SLC24A3: variants seen among roughly 807,000 people sequenced by gnomAD.
The protein encoded by SLC24A3 is solute carrier family 24 member 3, also known as sodium/potassium/calcium exchanger 3.
In SLC24A3, 28 loss-of-function variants were observed where a neutral mutation model predicts 75.8. The ratio of observed to expected loss-of-function variants is 0.37; its 90% CI spans 0.27 to 0.51. SLC24A3 has a LOEUF of 0.51. Ranked by LOEUF, SLC24A3 falls within the 20% of genes least tolerant of loss-of-function variation. The pLI, the probability that SLC24A3 is intolerant of heterozygous loss-of-function variation, is 0.94. For missense variants in SLC24A3, 663 were observed against 847.8 expected, an observed-to-expected ratio of 0.78 and a Z score of 2.71; for synonymous variants, 372 against 334.1, an observed-to-expected ratio of 1.11 and a Z score of -1.24.
chr20:19,495,091 A>G (rs1328734766), intron 2 of SLC24A3, among the ~76,000 whole-genome samples: 4 of 152,084 alleles, frequency 2.6e-5, no homozygotes, highest in Admixed American at 2.0e-4. Context: ...TGGCCTTTGT[A>G]CCCTAGTGTC....
rs139060573 is a variant in SLC24A3, at chr20:19,367,681, G to A, written c.271+86594G>A. 1.6e-3 allele frequency among the ~76,000 whole-genome samples: 251 copies of A among 152,290 alleles called. 1 individual carries two copies. The highest frequency in any genetic ancestry group is 5.6e-3 in the African/African-American group (234 of 41,562). On this transcript the variant is annotated intron_variant, in intron 2 of 16. Coordinates refer to ENST00000328041, the MANE Select transcript of SLC24A3 (RefSeq NM_020689.4). ...ACCTTACTTGGGAAGGTAGAATAAGGTGGGAATGAGCATTAGTTAATTTCT... is the reference window on the plus strand; with the variant it reads ...ACCTTACTTGGGAAGGTAGAATAAGATGGGAATGAGCATTAGTTAATTTCT...
intron 2 of SLC24A3, among the ~76,000 whole-genome samples, chr20:19,490,347 G>T (rs1203488995): frequency 6.6e-6 from 1 of 152,130 alleles, no homozygotes; most frequent in Non-Finnish European, 1.5e-5. Context: ...GTTGAAAAAT[G>T]TCTCCTGCCA....
At chr20:19,224,645 C>T (rs1981828127) in intron 1 of SLC24A3, among the ~76,000 whole-genome samples, 1 of 152,128 alleles carries the variant, frequency 6.6e-6, no homozygotes, top group South Asian at 2.1e-4. Context: ...AGCCATGGCC[C>T]TTGCAATATT....
At chr20:19,638,700 A>AATTAAT (rs2032029881) in intron 6 of SLC24A3, among the ~76,000 whole-genome samples, 2 of 152,184 alleles carry the variant, frequency 1.3e-5, no homozygotes, top group South Asian at 4.1e-4. Context: ...ACAGAGACAT[A>AATTAAT]ATTAATAGCT....
intron 1 of SLC24A3, among the ~76,000 whole-genome samples, chr20:19,267,269 G>A (rs537740833): frequency 1.1e-4 from 16 of 152,256 alleles, no homozygotes; most frequent in African/African-American, 3.6e-4. Flanking sequence ...TTTATTTTAA[G>A]TTTGAAGTTT....
In SLC24A3 at chr20:19,721,169, CCTT is replaced by C. The variant is rs2033101338; in HGVS notation, c.*33_*35del. On this transcript the variant is annotated 3_prime_UTR_variant, in exon 17 of 17. Transcript: ENST00000328041. Reference sequence around the variant, plus strand: ...GCCGGGTGCCCACAGAGGCTCAGCTCCTTCTTTTCTGTGCAATACGAGACCCGG... The same window carrying C: ...GCCGGGTGCCCACAGAGGCTCAGCTCCTTTTCTGTGCAATACGAGACCCGG... 1.2e-6 allele frequency: 2 copies of C among 1,613,092 alleles called. No homozygotes were observed. Among genetic ancestry groups the C allele is most frequent in the Non-Finnish European group, 1.7e-6 (2 of 1,179,776 alleles).
chr20:19,711,132 AAC>A (rs79213522), intron 15 of SLC24A3, among the ~76,000 whole-genome samples: 5 of 150,202 alleles, frequency 3.3e-5, no homozygotes, highest in Admixed American at 6.6e-5. Context: ...CATGCAGGCA[AAC>A]ACACACACAC....
chr20:19,575,107 A>C (rs547336767), intron 3 of SLC24A3, among the ~76,000 whole-genome samples: 10 of 151,950 alleles, frequency 6.6e-5, no homozygotes, highest in African/African-American at 2.4e-4. Flanking sequence ...AAAAAAAATG[A>C]AGGGCGTGGT....
chr20:19,596,180 A>G (rs1568667409), intron 6 of SLC24A3, among the ~76,000 whole-genome samples: 1 of 152,174 alleles, frequency 6.6e-6, no homozygotes, highest in Non-Finnish European at 1.5e-5. Context: ...TGGCAGAGAA[A>G]GGATACTACA....
intron 15 of SLC24A3, among the ~76,000 whole-genome samples, chr20:19,709,646 A>C (rs1568707100): frequency 1.3e-5 from 2 of 152,168 alleles, no homozygotes; most frequent in East Asian, 3.9e-4. Flanking sequence ...CTAGGCAGGA[A>C]AGGTCCAGAT....
At chr20:19,429,888 T>C (rs1401004422) in intron 2 of SLC24A3, among the ~76,000 whole-genome samples, 4 of 152,064 alleles carry the variant, frequency 2.6e-5, no homozygotes, top group Non-Finnish European at 5.9e-5. Context: ...TCACAATAAA[T>C]CTCTCATTTT....
chr20:19,571,090 C>G lies in SLC24A3; in HGVS notation c.349-8910C>G, dbSNP rs570233465. Among the ~76,000 whole-genome samples the G allele has an allele frequency of 4.6e-5, 7 of 152,022 alleles. No homozygotes were observed. The South Asian group carries it at 1.3e-3, about 27-fold the overall frequency. On this transcript the variant is annotated intron_variant, in intron 3 of 16. Coordinates refer to ENST00000328041, the MANE Select transcript of SLC24A3 (RefSeq NM_020689.4). ...TGGTCAGGATTTGAACCCAGTGGGT[C>G]ACCTGGGTTCAAATCCTGCCTCTAT...
intron 2 of SLC24A3, among the ~76,000 whole-genome samples, chr20:19,467,387 G>A (rs1023418029): frequency 2.0e-5 from 3 of 152,308 alleles, no homozygotes; most frequent in Admixed American, 6.5e-5. Context: ...AGAAGACTGG[G>A]TTGTACATAT....
chr20:19,593,909 C>T (rs979551296), intron 6 of SLC24A3, among the ~76,000 whole-genome samples: 86 of 152,182 alleles, frequency 5.7e-4, no homozygotes, highest in Admixed American at 2.4e-3. Context: ...CTGCTGAGCT[C>T]GTTCTCCTGC....
At chr20:19,692,335 A>G (rs1180059315) in intron 12 of SLC24A3, among the ~76,000 whole-genome samples, 1 of 152,188 alleles carries the variant, frequency 6.6e-6, no homozygotes, top group Non-Finnish European at 1.5e-5. Context: ...AACAATGTTC[A>G]TAGTCACCTG....
intron 1 of SLC24A3, among the ~76,000 whole-genome samples, chr20:19,253,461 T>A (rs1982722542): frequency 6.6e-6 from 1 of 152,044 alleles, no homozygotes; most frequent in Non-Finnish European, 1.5e-5. Flanking sequence ...CCTCTAGACT[T>A]CCCCAACCCT....
chr20:19,704,602 G>T (rs2032908050), intron 15 of SLC24A3, among the ~76,000 whole-genome samples: 1 of 152,192 alleles, frequency 6.6e-6, no homozygotes, highest in Non-Finnish European at 1.5e-5. Context: ...ATGATGAGTT[G>T]AAGTGATGTT....
rs371234304 is a variant in SLC24A3 at position 19,681,837 on chromosome 20, C to A, written c.768-21C>A. On this transcript the variant is annotated intron_variant, in intron 9 of 16. Transcript: ENST00000328041. The stretch of plus-strand genomic sequence containing the variant: ...GAATGGAAAACACTGATGGACTCTG[C>A]CCACTTGTCGCTTTGCTCAGATATA... 6.2e-6 allele frequency: 10 copies of A among 1,613,724 alleles called. No individual in the cohort carries two copies. In the African/African-American group the frequency reaches 1.2e-4, roughly 19 times the overall value.
At chr20:19,670,402 AG>A (rs2032452677) in intron 8 of SLC24A3, among the ~76,000 whole-genome samples, 1 of 152,226 alleles carries the variant, frequency 6.6e-6, no homozygotes, top group African/African-American at 2.4e-5. Context: ...AACAAAAGCA[AG>A]GAATCTCATC....
Sources: gnomAD v4.1 joint callset for allele counts (sites outside exome capture counted in the v4.1 genomes callset) on GRCh38, gnomAD v4.1.1 for gene constraint, MANE v1.5 for transcripts, NCBI Gene and HGNC (gene_info 2026-07-23, HGNC 2026-07-21) for gene names.